Variants in SYT9 observed in about 807,000 individuals in gnomAD.
The protein encoded by SYT9 is synaptotagmin 9.
Under a neutral mutation model 48.4 loss-of-function variants are expected in SYT9, and 22 were observed. That is an observed-to-expected ratio of 0.45 (90% confidence interval 0.32 to 0.65). The LOEUF (loss-of-function observed/expected upper bound fraction) is 0.65, where lower values mean the gene tolerates loss of function less well. Ranked by LOEUF, SYT9 falls within the 30% of genes least tolerant of loss-of-function variation. The probability of loss-of-function intolerance (pLI) is 0.03; values close to 1 mark genes in which losing one functional copy is unlikely to be tolerated. For missense variants in SYT9, 577 were observed against 622.0 expected (o/e 0.93, Z 0.77); for synonymous variants, 265 against 245.0 (o/e 1.08, Z -0.76).
chr11:7,256,696 A>G (rs909576567), intron 1 of SYT9, among the ~76,000 whole-genome samples: 2 of 152,210 alleles, frequency 1.3e-5, no homozygotes, highest in Non-Finnish European at 2.9e-5. Context: ...ATGTAGTTGT[A>G]AAGATTCAGC....
At chr11:7,360,922 C>A (rs187853858) in intron 3 of SYT9, among the ~76,000 whole-genome samples, 24 of 152,074 alleles carry the variant, frequency 1.6e-4, no homozygotes, top group Admixed American at 1.3e-4. Flanking sequence ...TTGATTCTGA[C>A]GTTGGTAACT....
intron 2 of SYT9, among the ~76,000 whole-genome samples, chr11:7,309,345 T>A (rs1017767311): frequency 6.6e-6 from 1 of 152,136 alleles, no homozygotes; most frequent in Non-Finnish European, 1.5e-5. Context: ...GGGGTCCACT[T>A]TTTTTCATTC....
chr11:7,383,787 G>A (rs1263789261), intron 3 of SYT9, among the ~76,000 whole-genome samples: 4 of 152,162 alleles, frequency 2.6e-5, no homozygotes, highest in Non-Finnish European at 4.4e-5. Flanking sequence ...TCACGTTGCA[G>A]AATGATTAAA....
chr11:7,239,656 A>G (rs1173027473), intron 1 of SYT9, among the ~76,000 whole-genome samples: 1 of 152,182 alleles, frequency 6.6e-6, no homozygotes, highest in Non-Finnish European at 1.5e-5. Context: ...TTAGACAGTT[A>G]TTACAGGGTC....
intron 3 of SYT9, among the ~76,000 whole-genome samples, chr11:7,409,239 C>G (rs1249007549): frequency 6.6e-6 from 1 of 152,258 alleles, no homozygotes; most frequent in East Asian, 1.9e-4. Flanking sequence ...CAGTGCATCC[C>G]TGGTATAAAT....
chr11:7,450,549 A>C (rs1848028324), intron 6 of SYT9: 1 of 152,220 alleles, frequency 6.6e-6, no homozygotes, highest in Non-Finnish European at 1.5e-5. Context: ...AGCAACTAAG[A>C]TTTGGAGTTG....
chr11:7,337,368 C>T (rs1849647266), intron 3 of SYT9, among the ~76,000 whole-genome samples: 1 of 151,822 alleles, frequency 6.6e-6, no homozygotes, highest in African/African-American at 2.4e-5. Context: ...TCTTTCTCTG[C>T]TTGATTGCTC....
At position 7,418,580 on chromosome 11, in the gene SYT9, C is replaced by T. The variant is rs1019123076; in HGVS notation, c.1337+452C>T. Among the ~76,000 whole-genome samples the T allele has an allele frequency of 7.2e-5, 11 of 152,308 alleles. No individual in the cohort carries two copies. In the East Asian group the frequency reaches 2.1e-3, roughly 29 times the overall value. On this transcript the variant is annotated intron_variant, in intron 5 of 6. Transcript: ENST00000318881. ...CAAATACATAACTTCAATCTTTTTC[C>T]TTCTCACAAGTATTTAATAAAGATT...
At chr11:7,299,114 C>A (rs1848866489) in intron 1 of SYT9, among the ~76,000 whole-genome samples, 3 of 151,834 alleles carry the variant, frequency 2.0e-5, no homozygotes, top group Admixed American at 6.6e-5. Flanking sequence ...TGAGATATAC[C>A]ATAAATGACA....
At chr11:7,278,454 CT>C (rs1344600357) in intron 1 of SYT9, among the ~76,000 whole-genome samples, 1 of 152,172 alleles carries the variant, frequency 6.6e-6, no homozygotes, top group Non-Finnish European at 1.5e-5. Context: ...GGTTTTAAAA[CT>C]GTTTTACTGA....
intron 1 of SYT9, among the ~76,000 whole-genome samples, chr11:7,271,950 A>G (rs1378759070): frequency 6.6e-6 from 1 of 152,228 alleles, no homozygotes; most frequent in Non-Finnish European, 1.5e-5. Flanking sequence ...GTAAGAAGGT[A>G]AATCAGAGCT....
intron 1 of SYT9, among the ~76,000 whole-genome samples, chr11:7,277,358 T>A (rs1291956941): frequency 1.3e-5 from 2 of 152,214 alleles, no homozygotes; most frequent in African/African-American, 4.8e-5. Flanking sequence ...AAATGTGAAT[T>A]CATTATGTGC....
chr11:7,412,739 G>T lies in SYT9; in HGVS notation c.1045-3303G>T, dbSNP rs79649305. On this transcript the variant is annotated intron_variant, in intron 3 of 6. Transcript: ENST00000318881. The stretch of plus-strand genomic sequence containing the variant: ...TGCCCTTGGTCAGCAGACTTGATGT[G>T]GGCAATGGCAATAGCAGTGATTGGG... 8.0e-3 allele frequency among the ~76,000 whole-genome samples: 1,213 copies of T among 152,276 alleles called. 9 individuals carry two copies. Among genetic ancestry groups the T allele is most frequent in the South Asian group, 0.033 (157 of 4,824 alleles).
Position 7,313,386 on chromosome 11 carries a change from T to C in SYT9, c.498-9T>C. On this transcript the variant is annotated splice_polypyrimidine_tract_variant and intron_variant, in intron 2 of 6. Coordinates refer to ENST00000318881, the MANE Select transcript of SYT9 (RefSeq NM_175733.4). Reference sequence around the variant, plus strand: ...TTATAACTTTGTTCTGTGTTGCTCTTCATTCAAGGCATAATTCAATCCGAA... The same window carrying C: ...TTATAACTTTGTTCTGTGTTGCTCTCCATTCAAGGCATAATTCAATCCGAA... 6.3e-7 allele frequency: 1 copy of C among 1,599,442 alleles called. No homozygotes were observed. The highest frequency in any genetic ancestry group is 1.1e-5 in the South Asian group (1 of 87,706).
At position 7,340,370 on chromosome 11, in the gene SYT9, A is replaced by G. The variant is rs544174965; in HGVS notation, c.1044+26429A>G. Among the ~76,000 whole-genome samples the G allele has an allele frequency of 1.2e-4, 18 of 152,358 alleles. No individual in the cohort carries two copies. In the South Asian group the frequency reaches 3.7e-3, roughly 32 times the overall value. ...AATTCTATTTCTGTCATTTCAGACA[A>G]CTAAGCTTTGTAACAAACCCTTGTT... On this transcript the variant is annotated intron_variant, in intron 3 of 6. Coordinates refer to ENST00000318881, the MANE Select transcript of SYT9 (RefSeq NM_175733.4).
chr11:7,424,338 G>A (rs1847413530), intron 6 of SYT9, among the ~76,000 whole-genome samples: 2 of 152,134 alleles, frequency 1.3e-5, no homozygotes, highest in South Asian at 4.1e-4. Context: ...ACTGCCTAGG[G>A]CTTAGGAATC....
At chr11:7,361,467 C>G (rs1329080613) in intron 3 of SYT9, among the ~76,000 whole-genome samples, 1 of 152,166 alleles carries the variant, frequency 6.6e-6, no homozygotes, top group Non-Finnish European at 1.5e-5. Flanking sequence ...ACTTTTATAA[C>G]TATTCCATGA....
chr11:7,406,231 TCA>T (rs1847005349), intron 3 of SYT9, among the ~76,000 whole-genome samples: 2 of 152,076 alleles, frequency 1.3e-5, no homozygotes, highest in African/African-American at 4.8e-5. Context: ...GCTACTATAG[TCA>T]CTCTACTCTG....
chr11:7,376,054 A>G (rs1371792746), intron 3 of SYT9, among the ~76,000 whole-genome samples: 3 of 152,076 alleles, frequency 2.0e-5, no homozygotes, highest in Admixed American at 6.6e-5. Flanking sequence ...TTAATATACA[A>G]TATAGTTTAC....
Sources: allele counts gnomAD v4.1 joint callset (sites outside exome capture counted in the v4.1 genomes callset), GRCh38; gene constraint gnomAD v4.1.1; transcripts MANE v1.5; gene names NCBI Gene and HGNC (gene_info 2026-07-23, HGNC 2026-07-21).